FAM193A: variants seen among roughly 807,000 people sequenced by gnomAD.
FAM193A encodes the protein protein FAM193A.
FAM193A carries 22 observed loss-of-function variants against 126.5 expected under a neutral mutation model. That is an observed-to-expected ratio of 0.17 (90% confidence interval 0.12 to 0.25). The LOEUF is 0.25. Ranked by LOEUF, FAM193A falls within the 10% of genes least tolerant of loss-of-function variation. FAM193A has a pLI of 1.00. For synonymous variants in FAM193A, 761 were observed against 646.8 expected (o/e 1.18, Z -2.68); for missense variants, 1,675 against 1,672.8 (o/e 1.00, Z -0.02).
At chr4:2,561,242 G>A (rs988849767) in intron 1 of FAM193A, among the ~76,000 whole-genome samples, 7 of 152,032 alleles carry the variant, frequency 4.6e-5, no homozygotes, top group Non-Finnish European at 8.8e-5. Flanking sequence ...GTGCAGTGGC[G>A]CAGTCTCAGT....
chr4:2,647,596 C>T (rs1433902098), intron 7 of FAM193A, among the ~76,000 whole-genome samples: 2 of 152,096 alleles, frequency 1.3e-5, no homozygotes, highest in East Asian at 1.9e-4. Context: ...AGGGAGGGCA[C>T]CTGCTGGAGG....
At chr4:2,731,196 C>CAAAAAAAAAA (rs546217602) in intron 20 of FAM193A, among the ~76,000 whole-genome samples, 1 of 86,870 alleles carries the variant, frequency 1.2e-5, no homozygotes, top group African/African-American at 6.1e-5. Flanking sequence ...AACTCCTTCT[C>CAAAAAAAAAA]AAAAAAAAAA....
intron 1 of FAM193A, among the ~76,000 whole-genome samples, chr4:2,574,729 T>TA (rs1253639574): frequency 3.3e-5 from 5 of 152,210 alleles, no homozygotes; most frequent in African/African-American, 1.2e-4. Context: ...GGTAAATAAA[T>TA]ACTTACATGC....
At chr4:2,717,907 G>A (rs1234117504) in intron 20 of FAM193A, among the ~76,000 whole-genome samples, 2 of 151,796 alleles carry the variant, frequency 1.3e-5, no homozygotes, top group Admixed American at 1.3e-4. Context: ...ACCCCCCCTT[G>A]GCCTCCCAAA....
chr4:2,677,001 C>T (rs1458400868), intron 13 of FAM193A, among the ~76,000 whole-genome samples: 3 of 152,098 alleles, frequency 2.0e-5, no homozygotes, highest in Non-Finnish European at 4.4e-5. Context: ...GTGCCTTTGG[C>T]GTTACATCCA....
At chr4:2,554,506 T>C (rs1162994352) in intron 1 of FAM193A, among the ~76,000 whole-genome samples, 1 of 152,240 alleles carries the variant, frequency 6.6e-6, no homozygotes, top group East Asian at 1.9e-4. Context: ...TTTTGGTAAA[T>C]GTTACATATG....
chr4:2,659,572 A>G lies in FAM193A; in HGVS notation c.1404A>G (p.Lys468=). 1 of 1,613,598 alleles carries G rather than the reference A, an allele frequency of 6.2e-7. No homozygotes were observed. The highest frequency in any genetic ancestry group is 8.5e-7 in the Non-Finnish European group (1 of 1,179,492). The stretch of plus-strand genomic sequence containing the variant: ...ATTTCCTCTAGTTAACCAATAAGAA[A>G]GCAGTTACTGGCGAGAACAACTTCA... ...RFIEEQLTNK[K]AVTGENNFTD... The change falls in exon 9 of 21, where the codon AAA becomes AAG. Residue 468 remains lysine (K), a synonymous_variant. Transcript: ENST00000637812.
intron 13 of FAM193A, among the ~76,000 whole-genome samples, chr4:2,677,480 C>T (rs1039114117): frequency 6.6e-6 from 1 of 151,874 alleles, no homozygotes; most frequent in South Asian, 2.1e-4. Flanking sequence ...GTGGCTTACA[C>T]TTGTAATCCC....
At chr4:2,559,923 C>G (rs1738507295) in intron 1 of FAM193A, among the ~76,000 whole-genome samples, 1 of 152,052 alleles carries the variant, frequency 6.6e-6, no homozygotes, top group South Asian at 2.1e-4. Context: ...TTTTTCTTGC[C>G]TCTGCGCCTT....
At chr4:2,607,139 A>G (rs1462551526) in intron 2 of FAM193A, among the ~76,000 whole-genome samples, 1 of 152,178 alleles carries the variant, frequency 6.6e-6, no homozygotes, top group East Asian at 1.9e-4. Flanking sequence ...CTCTGTGTAT[A>G]CTTCCCACTT....
chr4:2,632,333 A>G (rs999640595), intron 5 of FAM193A, among the ~76,000 whole-genome samples: 6 of 152,240 alleles, frequency 3.9e-5, no homozygotes, highest in Middle Eastern at 3.4e-3. Context: ...TGGGAAGCCA[A>G]AGTGGGAGGA....
chr4:2,650,478 G>A (rs573566218), intron 7 of FAM193A, among the ~76,000 whole-genome samples: 3 of 152,286 alleles, frequency 2.0e-5, no homozygotes, highest in Non-Finnish European at 4.4e-5. Context: ...GGAACGAAGC[G>A]CACCTGCTCT....
At chr4:2,683,180 G>T (rs1715345725) in intron 13 of FAM193A, among the ~76,000 whole-genome samples, 1 of 151,904 alleles carries the variant, frequency 6.6e-6, no homozygotes, top group African/African-American at 2.4e-5. Context: ...TGCTGGCATG[G>T]TTTCTGATTT....
chr4:2,674,326 C>T (rs1055170793), intron 13 of FAM193A, among the ~76,000 whole-genome samples: 4 of 152,204 alleles, frequency 2.6e-5, no homozygotes, highest in African/African-American at 7.2e-5. Context: ...ATGCATAATG[C>T]GTTAGCAGCC....
intron 1 of FAM193A, among the ~76,000 whole-genome samples, chr4:2,571,936 C>G (rs1739316249): frequency 1.3e-5 from 2 of 151,246 alleles, no homozygotes; most frequent in Non-Finnish European, 3.0e-5. Context: ...GAGGCTGAGG[C>G]TGGTGGATCA....
At position 2,608,265 on chromosome 4, in the gene FAM193A, AC is replaced by A. The variant is rs202089918; in HGVS notation, c.501+11938del. ...GCAATCCTGATTCTCTGCAGCCTTC[AC>A]CTCCTGTGTTCAAGCAACCCTTCTG... On this transcript the variant is annotated intron_variant, in intron 2 of 20. Coordinates refer to ENST00000637812, the MANE Select transcript of FAM193A (RefSeq NM_001366318.2). The A allele has an allele frequency of 3.3e-3, 2,369 of 709,902 alleles. 41 individuals carry two copies. The African/African-American group carries it at 0.039, about 12-fold the overall frequency. The allele number at this position is 709,902 out of a possible 1,614,324, so 44.0% of individuals were successfully genotyped here.
At chr4:2,543,023 G>A (rs1430747554) in intron 1 of FAM193A, among the ~76,000 whole-genome samples, 1 of 151,980 alleles carries the variant, frequency 6.6e-6, no homozygotes, top group Non-Finnish European at 1.5e-5. Context: ...ACAAAGCTTG[G>A]GGAACCACAA....
At chr4:2,719,677 G>A (rs1187516415) in intron 20 of FAM193A, among the ~76,000 whole-genome samples, 7 of 151,464 alleles carry the variant, frequency 4.6e-5, no homozygotes, top group East Asian at 1.9e-4. Flanking sequence ...CCTGGGAGGC[G>A]GAGGTTGTGG....
chr4:2,603,083 C>T (rs961149351), intron 2 of FAM193A, among the ~76,000 whole-genome samples: 1 of 148,178 alleles, frequency 6.7e-6, no homozygotes, highest in Non-Finnish European at 1.5e-5. Flanking sequence ...ATTCTCCTGC[C>T]TCAGCCTCCT....
Sources: allele counts gnomAD v4.1 joint callset (sites outside exome capture counted in the v4.1 genomes callset), GRCh38; gene constraint gnomAD v4.1.1; transcripts MANE v1.5; gene names NCBI Gene and HGNC (gene_info 2026-07-23, HGNC 2026-07-21).